Variants in C5orf58 observed in about 807,000 individuals in gnomAD.
C5orf58 encodes the protein putative uncharacterized protein C5orf58.
In C5orf58, 2 loss-of-function variants were observed where a neutral mutation model predicts 2.9. That is an observed-to-expected ratio of 0.69 (90% CI 0.28 to 2.18). The LOEUF is 2.18. Ranked by LOEUF, C5orf58 falls within the 30% of genes most tolerant of loss-of-function variation. The pLI is 0.13. For synonymous variants in C5orf58, 37 were observed against 33.4 expected (o/e 1.11, Z -0.37); for missense variants, 96 against 91.7 (o/e 1.05, Z -0.19).
At chr5:170,246,360 T>C (rs1000574461), downstream of C5orf58, 2 of 294,744 alleles carry the variant, frequency 6.8e-6, no homozygotes, top group African/African-American at 4.3e-5. Flanking sequence ...TGAATTTGGC[T>C]CAGGTTGAAA....
At chr5:170,248,570 A>T, downstream of C5orf58, 1 of 950,818 alleles carries the variant, frequency 1.1e-6, no homozygotes, top group African/African-American at 1.7e-5. Context: ...AAAGGAAAGG[A>T]TAAAACCCTT....
chr5:170,241,309 T>G (rs1387478606), intron 3 of C5orf58, among the ~76,000 whole-genome samples: 4 of 151,110 alleles, frequency 2.6e-5, no homozygotes, highest in Middle Eastern at 3.2e-3. Context: ...TCCAATTCTG[T>G]GAAGAAAGTC....
chr5:170,238,830 G>A (rs1356650670), intron 3 of C5orf58, among the ~76,000 whole-genome samples: 1 of 152,138 alleles, frequency 6.6e-6, no homozygotes, highest in Admixed American at 6.5e-5. Context: ...CCTAATTAAG[G>A]ATTAGTGTAG....
At chr5:170,252,137 T>C in exon 3 of C5orf58, 1 of 233,536 alleles carries the variant, frequency 4.3e-6, no homozygotes, top group South Asian at 8.5e-5. Context: ...AGTCTCCTTC[T>C]GACACCATGT....
chr5:170,244,418 A>G (rs4266418), intron 3 of C5orf58, among the ~76,000 whole-genome samples: 61,113 of 145,296 alleles, frequency 0.42, 13,545 homozygotes, highest in Non-Finnish European at 0.5. Context: ...AGGTACACCA[A>G]TCAGACGTAG....
At chr5:170,247,773 C>G (rs1031975759), downstream of C5orf58, 5 of 152,186 alleles carry the variant, frequency 3.3e-5, no homozygotes, top group Non-Finnish European at 5.9e-5. Context: ...AGTCTGATCA[C>G]ATTTAATCTA....
At chr5:170,249,044 G>A (rs1314064729), downstream of C5orf58, among the ~76,000 whole-genome samples, 2 of 152,154 alleles carry the variant, frequency 1.3e-5, no homozygotes, top group Admixed American at 6.5e-5. Context: ...AATATGGGCC[G>A]GGTGCAGTAA....
chr5:170,247,683 G>A (rs964414523), downstream of C5orf58: 6 of 152,196 alleles, frequency 3.9e-5, no homozygotes, highest in African/African-American at 1.4e-4. Flanking sequence ...CAGCCTGTTT[G>A]GGAAGGATGA....
chr5:170,244,428 G>C (rs1761160533), intron 3 of C5orf58, among the ~76,000 whole-genome samples: 2 of 147,682 alleles, frequency 1.4e-5, no homozygotes, highest in African/African-American at 5.0e-5. Flanking sequence ...ATCAGACGTA[G>C]ATTTGGTCTT....
intron 3 of C5orf58, among the ~76,000 whole-genome samples, chr5:170,237,984 A>G (rs1007272959): frequency 6.6e-6 from 1 of 152,194 alleles, no homozygotes; most frequent in Non-Finnish European, 1.5e-5. Context: ...TGACCAGCCT[A>G]AGATAAAAGA....
At chr5:170,242,525 G>C (rs1245020105) in intron 3 of C5orf58, among the ~76,000 whole-genome samples, 213 of 114,366 alleles carry the variant, frequency 1.9e-3, no homozygotes, top group African/African-American at 7.0e-3. Context: ...ATGTGTCGAG[G>C]AATTTATCCA....
intron 3 of C5orf58, 58 bp downstream of exon 3, chr5:170,235,128 C>A: frequency 2.2e-6 from 2 of 912,684 alleles, no homozygotes; most frequent in South Asian, 1.6e-5. Context: ...AATGATAGAG[C>A]CAGTTTGTGT....
At chr5:170,236,570 G>A (rs1197256336) in intron 3 of C5orf58, among the ~76,000 whole-genome samples, 2 of 152,180 alleles carry the variant, frequency 1.3e-5, no homozygotes, top group Admixed American at 1.3e-4. Flanking sequence ...TCAGGATAAA[G>A]TCTAAACATC....
chr5:170,252,500 A>G (rs534431140), downstream of C5orf58: 28 of 1,544,570 alleles, frequency 1.8e-5, no homozygotes, highest in Admixed American at 3.3e-4. Context: ...ACCACTCTTC[A>G]TTTAATGAAT....
At chr5:170,235,783 G>C (rs1340220242) in intron 3 of C5orf58, among the ~76,000 whole-genome samples, 2 of 152,042 alleles carry the variant, frequency 1.3e-5, no homozygotes, top group Admixed American at 1.3e-4. Context: ...CAACTCTTGG[G>C]TATTTAAAGA....
chr5:170,233,181 C>G (rs1198577781), intron 1 of C5orf58, 174 bp downstream of exon 1: 1 of 161,652 alleles, frequency 6.2e-6, no homozygotes, highest in East Asian at 1.9e-4. Flanking sequence ...GAGAAGGGGA[C>G]GGTTGGCTGG....
chr5:170,252,472 G>A (rs770518472), downstream of C5orf58: 4 of 1,588,168 alleles, frequency 2.5e-6, no homozygotes, highest in Non-Finnish European at 2.6e-6. Context: ...GCCTCTGGTC[G>A]GGTAATATAA....
At chr5:170,240,167 G>A (rs920660965) in intron 3 of C5orf58, among the ~76,000 whole-genome samples, 1 of 151,180 alleles carries the variant, frequency 6.6e-6, no homozygotes, top group South Asian at 2.1e-4. Context: ...TCTTAATCCA[G>A]TCTATCACTG....
At chr5:170,240,167 G>C (rs920660965) in intron 3 of C5orf58, among the ~76,000 whole-genome samples, 1 of 151,180 alleles carries the variant, frequency 6.6e-6, no homozygotes, top group African/African-American at 2.4e-5. Context: ...TCTTAATCCA[G>C]TCTATCACTG....
Sources: allele counts gnomAD v4.1 joint callset (sites outside exome capture counted in the v4.1 genomes callset), GRCh38; gene constraint gnomAD v4.1.1; transcripts MANE v1.5; gene names NCBI Gene and HGNC (gene_info 2026-07-23, HGNC 2026-07-21).